Variants in C2orf78 observed in about 807,000 individuals in gnomAD.
The protein encoded by C2orf78 is uncharacterized protein C2orf78.
C2orf78 carries 12 observed loss-of-function variants against 21.4 expected under a neutral mutation model. The ratio of observed to expected loss-of-function variants is 0.56; its 90% CI spans 0.36 to 0.91. The LOEUF (loss-of-function observed/expected upper bound fraction) is 0.91. Ranked by LOEUF, C2orf78 falls within the 40% of genes least tolerant of loss-of-function variation. C2orf78 has a pLI of 0.01. For synonymous variants in C2orf78, 396 were observed against 413.9 expected (o/e 0.96, Z 0.52); for missense variants, 1,042 against 1,092.4 (o/e 0.95, Z 0.65).
At chr2:73,810,616 A>T (rs1249032679) in intron 1 of C2orf78, among the ~76,000 whole-genome samples, 1 of 137,770 alleles carries the variant, frequency 7.3e-6, no homozygotes. Flanking sequence ...TATATTTTAT[A>T]TATATACATA....
intron 1 of C2orf78, among the ~76,000 whole-genome samples, chr2:73,786,001 G>A (rs572459203): frequency 1.3e-5 from 2 of 151,916 alleles, no homozygotes; most frequent in South Asian, 2.1e-4. Flanking sequence ...AGCCAAGATC[G>A]CGCCATTGCA....
intron 1 of C2orf78, among the ~76,000 whole-genome samples, chr2:73,785,935 A>G (rs1672918603): frequency 6.6e-6 from 1 of 151,940 alleles, no homozygotes; most frequent in Non-Finnish European, 1.5e-5. Context: ...AATCCCAGCT[A>G]CTTGGGAGGC....
intron 1 of C2orf78, 89 bp from the exon 2 acceptor site, chr2:73,813,388 G>A: frequency 7.5e-7 from 1 of 1,332,558 alleles, no homozygotes; most frequent in Non-Finnish European, 1.0e-6. Context: ...CTTCCTGATT[G>A]CAACAACCTT....
At chr2:73,785,663 G>C (rs967232947) in intron 1 of C2orf78, among the ~76,000 whole-genome samples, 39 of 152,184 alleles carry the variant, frequency 2.6e-4, no homozygotes, top group Admixed American at 2.2e-3. Flanking sequence ...AGGAAAAGCA[G>C]CTTATCAGAA....
chr2:73,813,926 G>A, exon 2 of C2orf78: 1 of 1,613,998 alleles, frequency 6.2e-7, no homozygotes, highest in East Asian at 2.2e-5. Context: ...ATCACTATCT[G>A]CCAGCCTTGT....
chr2:73,810,559 AATATATATGTATATTTTATGTATATT>A (rs1673060266), intron 1 of C2orf78, among the ~76,000 whole-genome samples: 1 of 141,050 alleles, frequency 7.1e-6, no homozygotes, highest in Non-Finnish European at 1.5e-5. Context: ...ATATACATAA[AATATATATGTATATTTTATGTATATT>A]ATATATATAC....
exon 3 of C2orf78, chr2:73,815,704 G>T (rs762485074): frequency 1.2e-6 from 2 of 1,613,818 alleles, no homozygotes; most frequent in South Asian, 2.2e-5. Context: ...GTCATAAAGG[G>T]TCACTCTGAT....
chr2:73,812,737 A>G (rs1000317575), intron 1 of C2orf78, among the ~76,000 whole-genome samples: 1 of 152,178 alleles, frequency 6.6e-6, no homozygotes, highest in Non-Finnish European at 1.5e-5. Context: ...CAGTAAAAAG[A>G]AAAAAGAAAA....
chr2:73,798,058 A>G (rs369465680), intron 1 of C2orf78, among the ~76,000 whole-genome samples: 4,066 of 66,926 alleles, frequency 0.061, 158 homozygotes, highest in East Asian at 0.21. Flanking sequence ...AGAAACTAAA[A>G]GAGAAGAGCC....
chr2:73,813,329 TC>T lies in C2orf78; in HGVS notation c.98-147del. ...CAAACTGCTTCAGCACTCAAGGCCA[TC>T]ATAAACTGTTTGGCTTTTGGTATCT... is the stretch of plus-strand genomic sequence containing the variant. On this transcript the variant is annotated intron_variant, in intron 1 of 2. Coordinates refer to ENST00000409561, the Ensembl canonical transcript of C2orf78. The T allele has an allele frequency of 3.8e-6, 3 of 790,382 alleles. No individual in the cohort carries two copies. The South Asian group carries it at 5.8e-5, about 15-fold the overall frequency. 49.0% of individuals were successfully genotyped at this position (790,382 alleles called of 1,614,324 possible). A position where few individuals can be genotyped will look rare whatever the true frequency, so the allele number is the denominator to read the frequency against.
chr2:73,812,612 T>C (rs1202586712), intron 1 of C2orf78, among the ~76,000 whole-genome samples: 1 of 151,926 alleles, frequency 6.6e-6, no homozygotes, highest in African/African-American at 2.4e-5. Context: ...ACCAGCCTGG[T>C]AAACATGGCA....
chr2:73,815,099 T>C, exon 3 of C2orf78: 2 of 1,613,448 alleles, frequency 1.2e-6, no homozygotes, highest in Non-Finnish European at 1.7e-6. Flanking sequence ...GGATGGATAC[T>C]TCCCTGGGAT....
At chr2:73,809,751 T>C (rs1473437342) in intron 1 of C2orf78, among the ~76,000 whole-genome samples, 3 of 152,166 alleles carry the variant, frequency 2.0e-5, no homozygotes, top group African/African-American at 7.2e-5. Context: ...ACCACTGGAC[T>C]TCAGCCTGAG....
At chr2:73,815,406 A>G in exon 3 of C2orf78, 1 of 1,613,952 alleles carries the variant, frequency 6.2e-7, no homozygotes, top group Non-Finnish European at 8.5e-7. Context: ...AATCCCCGAT[A>G]TTCACCCGCT....
At chr2:73,816,394 T>C in exon 3 of C2orf78, 1 of 1,613,924 alleles carries the variant, frequency 6.2e-7, no homozygotes, top group Non-Finnish European at 8.5e-7. Context: ...TTGCCCTTTC[T>C]GACCCTGGAC....
chr2:73,814,030 C>T (rs1457741047), exon 2 of C2orf78: 8 of 1,613,814 alleles, frequency 5.0e-6, no homozygotes, highest in Non-Finnish European at 6.8e-6. Flanking sequence ...ATAATCAAGG[C>T]ACACTGGGGC....
intron 1 of C2orf78, among the ~76,000 whole-genome samples, chr2:73,810,138 A>G (rs887616368): frequency 4.6e-5 from 7 of 152,204 alleles, no homozygotes; most frequent in Admixed American, 2.0e-4. Flanking sequence ...GTATCCCTAG[A>G]AAAAGCACCT....
rs537711167 is a variant in C2orf78, at chr2:73,808,693, C to G, written c.98-4784C>G. ...TTGTGACATCATTCTCCCACCAAAC[C>G]AACTGCCACCTGGTAGAATCTTGGG... On this transcript the variant is annotated intron_variant, in intron 1 of 2. Coordinates refer to ENST00000409561, the Ensembl canonical transcript of C2orf78. 43 of 1,500,516 alleles carry G rather than the reference C, an allele frequency of 2.9e-5. 1 individual carries two copies. The highest frequency in any genetic ancestry group is 4.8e-4 in the Middle Eastern group (2 of 4,188). 93.0% of individuals were successfully genotyped at this position (1,500,516 alleles called of 1,614,324 possible).
chr2:73,816,786 C>G, exon 3 of C2orf78: 1 of 1,613,996 alleles, frequency 6.2e-7, no homozygotes, highest in Non-Finnish European at 8.5e-7. Context: ...CCTCCAACCC[C>G]GTCCATGGAG....
Sources: gnomAD v4.1 joint callset for allele counts (sites outside exome capture counted in the v4.1 genomes callset) on GRCh38, gnomAD v4.1.1 for gene constraint, MANE v1.5 for transcripts, NCBI Gene and HGNC (gene_info 2026-07-23, HGNC 2026-07-21) for gene names.